The following DTX2 variants were observed in gnomAD, a reference collection of about 807,000 sequenced individuals.
DTX2 encodes the protein deltex E3 ubiquitin ligase 2.
DTX2 carries 29 observed loss-of-function variants against 55.3 expected under a neutral mutation model. The ratio of observed to expected loss-of-function variants is 0.52; its 90% CI spans 0.39 to 0.71. The LOEUF (loss-of-function observed/expected upper bound fraction) is 0.71. DTX2 is among the 30% of genes least tolerant of loss of function. The pLI, the probability that DTX2 is intolerant of heterozygous loss-of-function variation, is 0.00. For synonymous variants in DTX2, 276 were observed against 340.4 expected (o/e 0.81, Z 2.08); for missense variants, 537 against 822.5 (o/e 0.65, Z 4.25).
chr7:76,482,406 G>C, intron 3 of DTX2, 102 bp from the exon 4 acceptor site: 1 of 1,199,732 alleles, frequency 8.3e-7, no homozygotes. Flanking sequence ...TGTACCTACT[G>C]TGTTCCTATT....
rs559156215 is a variant in DTX2, at chr7:76,483,044, G to A, written c.805G>A (p.Ala269Thr). Reference protein sequence around the residue: ...PRLNTTNAWGAAPPSLGSQPL... With the variant: ...PRLNTTNAWGTAPPSLGSQPL... ...GCTGAACACCACCAACGCCTGGGGC[G>A]CAGCTCCTCCTTCCCTGGGGAGCCA... Residue 269 changes from alanine to threonine, a missense_variant, in exon 4 of 11, where the codon GCA (alanine) becomes ACA (threonine). Ala to Thr is a moderately conservative substitution (Grantham distance 58, BLOSUM62 0). Transcript: ENST00000430490. 24 of 1,613,398 alleles carry A rather than the reference G, an allele frequency of 1.5e-5. No homozygotes were observed. The highest frequency in any genetic ancestry group is 1.1e-4 in the African/African-American group (8 of 75,036).
In DTX2 at chr7:76,482,536, G is replaced by A. The variant is rs752751942; in HGVS notation, c.297G>A (p.Leu99=). The change falls in exon 4 of 11, where the codon CTG becomes CTA. Residue 99 remains leucine (L), a synonymous_variant. Coordinates refer to ENST00000430490, the MANE Select transcript of DTX2 (RefSeq NM_001102594.3). The part of the protein sequence containing the change: ...TGTMRAVRRH[L]FPQHSAPGRG... ...CCATGCGGGCTGTGCGGAGACACCT[G>A]TTCCCCCAGCACTCAGCCCCTGGCC... The A allele has an allele frequency of 3.7e-6, 6 of 1,608,610 alleles. No homozygotes were observed. Among genetic ancestry groups the A allele is most frequent in the African/African-American group, 2.7e-5 (2 of 74,756 alleles).
intron 2 of DTX2, among the ~76,000 whole-genome samples, chr7:76,468,821 G>T: frequency 7.3e-6 from 1 of 137,606 alleles, no homozygotes; most frequent in Admixed American, 7.5e-5. Context: ...GGAGTACAGT[G>T]GCACAGTCTC....
At chr7:76,500,100 C>G (rs1187464994) in intron 6 of DTX2, 9 of 350,022 alleles carry the variant, frequency 2.6e-5, no homozygotes, top group South Asian at 1.9e-4. Flanking sequence ...TCTGACTCTT[C>G]CGCGCAGCCT....
In DTX2 at chr7:76,502,466, C is replaced by G; in HGVS notation, c.1389+10C>G. 1.2e-6 allele frequency: 2 copies of G among 1,610,070 alleles called. No individual in the cohort carries two copies. The highest frequency in any genetic ancestry group is 1.7e-6 in the Non-Finnish European group (2 of 1,179,104). On this transcript the variant is annotated intron_variant, in intron 8 of 10. Coordinates refer to ENST00000430490, the MANE Select transcript of DTX2 (RefSeq NM_001102594.3). Reference sequence around the variant, plus strand: ...CTGCAACGGCAATAAGGTGCCCCCACTGGCCCAGGGCGGAGGCGGGTGGCC... The same window carrying G: ...CTGCAACGGCAATAAGGTGCCCCCAGTGGCCCAGGGCGGAGGCGGGTGGCC...
chr7:76,498,849 G>T (rs1811256827), intron 6 of DTX2, among the ~76,000 whole-genome samples: 1 of 130,010 alleles, frequency 7.7e-6, no homozygotes, highest in South Asian at 2.5e-4. Flanking sequence ...TGTGTGGGGT[G>T]TGTGGAGGTG....
chr7:76,491,958 A>T, intron 4 of DTX2, 195 bp from the exon 5 acceptor site: 1 of 582,634 alleles, frequency 1.7e-6, no homozygotes, highest in Admixed American at 2.7e-5. Context: ...TACCGGTGTG[A>T]GCCACCACAC....
chr7:76,483,899 T>A (rs575237020), intron 4 of DTX2, among the ~76,000 whole-genome samples: 12 of 151,748 alleles, frequency 7.9e-5, no homozygotes, highest in Admixed American at 2.0e-4. Context: ...ACAAAAAAAA[T>A]TTTTTTAATT....
chr7:76,503,636 C>G, intron 9 of DTX2, 49 bp downstream of exon 9: 1 of 1,506,102 alleles, frequency 6.6e-7, no homozygotes, highest in South Asian at 1.2e-5. Flanking sequence ...CTCTTCCCAC[C>G]CCGCCCACAT....
intron 2 of DTX2, among the ~76,000 whole-genome samples, chr7:76,477,588 G>A (rs935724709): frequency 9.3e-5 from 14 of 150,280 alleles, no homozygotes; most frequent in Non-Finnish European, 1.5e-4. Flanking sequence ...ATGGTGGCGC[G>A]TGCCTGTAGT....
chr7:76,503,216 G>C (rs922042652), intron 8 of DTX2, among the ~76,000 whole-genome samples: 2 of 152,228 alleles, frequency 1.3e-5, no homozygotes, highest in Non-Finnish European at 2.9e-5. Flanking sequence ...CTGATAGCAT[G>C]TCCCTTAACG....
At chr7:76,488,899 A>G (rs1197370447) in intron 4 of DTX2, among the ~76,000 whole-genome samples, 2 of 101,346 alleles carry the variant, frequency 2.0e-5, no homozygotes, top group Admixed American at 1.9e-4. Flanking sequence ...CTCCGAGAAA[A>G]AAAAAAAAAG....
At chr7:76,481,169 G>C (rs1389348363) in intron 3 of DTX2, among the ~76,000 whole-genome samples, 3 of 151,228 alleles carry the variant, frequency 2.0e-5, no homozygotes, top group Admixed American at 6.6e-5. Flanking sequence ...TCTGCTTTTT[G>C]GTCTGCGATG....
At chr7:76,493,743 G>A (rs1199896605) in intron 5 of DTX2, among the ~76,000 whole-genome samples, 6 of 141,668 alleles carry the variant, frequency 4.2e-5, no homozygotes, top group Non-Finnish European at 9.4e-5. Context: ...GACCAGCTTC[G>A]AGGCAGTGGA....
At chr7:76,468,920 G>A (rs1184614856) in intron 2 of DTX2, among the ~76,000 whole-genome samples, 4 of 125,170 alleles carry the variant, frequency 3.2e-5, no homozygotes, top group East Asian at 2.4e-4. Flanking sequence ...ACGCCACTAC[G>A]CCTGGCTCAT....
At chr7:76,477,372 TA>T (rs1414859605) in intron 2 of DTX2, among the ~76,000 whole-genome samples, 1 of 136,656 alleles carries the variant, frequency 7.3e-6, no homozygotes, top group African/African-American at 2.8e-5. Flanking sequence ...GGGCAAGTGC[TA>T]GGGGTGAGGG....
At chr7:76,483,260 T>C (rs1387158289) in intron 4 of DTX2, 113 bp downstream of exon 4, 1 of 1,293,956 alleles carries the variant, frequency 7.7e-7, no homozygotes, top group Non-Finnish European at 1.0e-6. Flanking sequence ...GGTCCTGCCG[T>C]GGCATCTCAT....
chr7:76,499,673 C>T (rs1451142809), intron 6 of DTX2: 1 of 153,216 alleles, frequency 6.5e-6, no homozygotes, highest in Non-Finnish European at 1.4e-5. Context: ...ACTCCCACTA[C>T]CTAGAGAACG....
intron 6 of DTX2, among the ~76,000 whole-genome samples, chr7:76,498,983 G>C (rs1584238249): frequency 1.6e-5 from 1 of 60,858 alleles, no homozygotes; most frequent in Non-Finnish European, 3.0e-5. Flanking sequence ...GAGGTGTGTG[G>C]AGGGGTGAGG....
Sources: allele counts gnomAD v4.1 joint callset (sites outside exome capture counted in the v4.1 genomes callset), GRCh38; gene constraint gnomAD v4.1.1; transcripts MANE v1.5; gene names NCBI Gene and HGNC (gene_info 2026-07-23, HGNC 2026-07-21).